Variants in APOL1 observed in about 807,000 individuals in gnomAD.
APOL1 encodes the protein apolipoprotein L 1.
A neutral mutation model predicts 14.9 loss-of-function variants in APOL1; 17 were observed. The ratio of observed to expected loss-of-function variants is 1.14; its 90% CI spans 0.78 to 1.71. APOL1 has a LOEUF of 1.71. Ranked by LOEUF, APOL1 falls within the 40% of genes most tolerant of loss-of-function variation. The probability of loss-of-function intolerance (pLI) is 0.00; values close to 1 mark genes in which losing one functional copy is unlikely to be tolerated. For missense variants in APOL1, 523 were observed against 485.9 expected, an observed-to-expected ratio of 1.08 and a Z score of -0.72; for synonymous variants, 195 against 184.8, an observed-to-expected ratio of 1.05 and a Z score of -0.45.
rs2016280250 is a variant in APOL1, at chr22:36,266,741, TA to T, written c.*713del. 1 of 332,920 alleles carries T rather than the reference TA, an allele frequency of 3.0e-6. No individual in the cohort carries two copies. The highest frequency in any genetic ancestry group is 4.3e-5 in the East Asian group (1 of 23,438). 20.6% of individuals were successfully genotyped at this position (332,920 alleles called of 1,614,324 possible). On this transcript the variant is annotated 3_prime_UTR_variant, in exon 6 of 6. Transcript: ENST00000397278. ...TAACACAGTGAAACCCCGTCTCTAC[TA>T]AAAATACAAAAAATTAGCCGGGCAT...
At chr22:36,257,196 G>A (rs1361751538) in intron 3 of APOL1, 60 bp downstream of exon 3, 2 of 1,611,824 alleles carry the variant, frequency 1.2e-6, no homozygotes, top group Non-Finnish European at 1.7e-6. Context: ...ATCTGGTTTA[G>A]GTTGGTCTTG....
intron 1 of APOL1, among the ~76,000 whole-genome samples, chr22:36,253,644 AT>A (rs1052859582): frequency 5.9e-5 from 9 of 152,150 alleles, no homozygotes; most frequent in South Asian, 4.2e-4. Flanking sequence ...GGGCAACAGA[AT>A]TTTTTTTCAG....
rs370479669 is a variant in APOL1 at position 36,265,756 on chromosome 22, C to G, written c.920C>G (p.Thr307Ser). The change falls in exon 6 of 6, where the codon ACT (threonine) becomes AGT (serine). Residue 307 changes from threonine to serine, a missense_variant. Physicochemically the swap from Thr to Ser is moderately conservative, Grantham distance 58. Transcript: ENST00000397278. Reference protein sequence around the residue: ...PHASASRPRVTEPISAESGEQ... With the variant: ...PHASASRPRVSEPISAESGEQ... ...GCCTCAGCCTCACGCCCCCGGGTCA[C>G]TGAGCCAATCTCAGCTGAAAGCGGT... 1 of 1,614,192 alleles carries G rather than the reference C, an allele frequency of 6.2e-7. No homozygotes were observed. Among genetic ancestry groups the G allele is most frequent in the Non-Finnish European group, 8.5e-7 (1 of 1,180,044 alleles).
rs1028842274 is a variant in APOL1, at chr22:36,254,980, G to A, written c.25G>A (p.Val9Ile). 14 of 1,614,104 alleles carry A rather than the reference G, an allele frequency of 8.7e-6. No individual in the cohort carries two copies. The highest frequency in any genetic ancestry group is 1.2e-5 in the Non-Finnish European group (14 of 1,179,916). The change falls in exon 2 of 6, where the codon GTC (valine) becomes ATC (isoleucine). Residue 9 changes from valine (V) to isoleucine (I), a missense_variant. Val to Ile is a conservative substitution (Grantham distance 29). Coordinates refer to ENST00000397278, the MANE Select transcript of APOL1 (RefSeq NM_003661.4). Reference sequence around the variant, plus strand: ...CATGGAGGGAGCTGCTTTGCTGAGAGTCTCTGTCCTCTGCATCTGGTGAGC... The same window carrying A: ...CATGGAGGGAGCTGCTTTGCTGAGAATCTCTGTCCTCTGCATCTGGTGAGC... MEGAALLR[V>I]SVLCIWMSAL...
intron 5 of APOL1, among the ~76,000 whole-genome samples, chr22:36,263,399 C>A (rs2016135903): frequency 6.6e-6 from 1 of 152,186 alleles, no homozygotes; most frequent in South Asian, 2.1e-4. Context: ...CTGAGGGCAC[C>A]CTTACCTTTG....
Position 36,257,220 on chromosome 22 carries a change from C to G in APOL1, c.98+84C>G. The G allele has an allele frequency of 3.1e-6, 5 of 1,605,182 alleles. No individual in the cohort carries two copies. In the South Asian group the frequency reaches 5.5e-5, roughly 18 times the overall value. ...AGGTTGGTCTTGGTGTTTGCTTCCACCCCAGAGAGATTTGCAGAGCCCCGG... is the reference window on the plus strand; with the variant it reads ...AGGTTGGTCTTGGTGTTTGCTTCCAGCCCAGAGAGATTTGCAGAGCCCCGG... On this transcript the variant is annotated intron_variant, in intron 3 of 5. Transcript: ENST00000397278.
rs1386046076 is a variant in APOL1 at position 36,253,770 on chromosome 22, T to G, written c.-20+551T>G. 8.0e-6 allele frequency: 5 copies of G among 625,000 alleles called. No homozygotes were observed. In the East Asian group the frequency reaches 1.4e-4, roughly 17 times the overall value. 38.7% of individuals were successfully genotyped at this position (625,000 alleles called of 1,614,324 possible). On this transcript the variant is annotated intron_variant, in intron 1 of 5. Coordinates refer to ENST00000397278, the MANE Select transcript of APOL1 (RefSeq NM_003661.4). ...GGAATGACTTGCCCAGGGTCCCGTGTCAGGAGGCTGAGCAGGTAGATCATA... is the reference window on the plus strand; with the variant it reads ...GGAATGACTTGCCCAGGGTCCCGTGGCAGGAGGCTGAGCAGGTAGATCATA...
chr22:36,266,729 C>G lies in APOL1; in HGVS notation c.*696C>G, dbSNP rs954345683. The G allele has an allele frequency of 5.9e-6, 2 of 338,972 alleles. No individual in the cohort carries two copies. The highest frequency in any genetic ancestry group is 1.5e-4 in the South Asian group (1 of 6,608). The allele number at this position is 338,972 out of a possible 1,614,324, so 21.0% of individuals were successfully genotyped here. ...GACCATCCTGGCTAACACAGTGAAA[C>G]CCCGTCTCTACTAAAAATACAAAAA... On this transcript the variant is annotated 3_prime_UTR_variant, in exon 6 of 6. Transcript: ENST00000397278.
intron 5 of APOL1, among the ~76,000 whole-genome samples, chr22:36,263,123 T>G (rs2016127136): frequency 6.6e-6 from 1 of 152,230 alleles, no homozygotes; most frequent in Admixed American, 6.5e-5. Context: ...TGGTGACACC[T>G]GCGAGTGAGA....
chr22:36,256,399 C>G (rs1008372020), intron 2 of APOL1, among the ~76,000 whole-genome samples: 1 of 152,118 alleles, frequency 6.6e-6, no homozygotes, highest in African/African-American at 2.4e-5. Flanking sequence ...AAGTTTTATG[C>G]GAAGAAGGAT....
intron 2 of APOL1, 87 bp from the exon 3 acceptor site, chr22:36,256,996 C>T (rs1450170369): frequency 9.0e-6 from 13 of 1,440,492 alleles, no homozygotes; most frequent in Non-Finnish European, 1.2e-5. Flanking sequence ...TCCTCCCCAT[C>T]TCTATTTCTG....
intron 4 of APOL1, chr22:36,259,632 TC>T (rs1569533921): frequency 2.4e-6 from 3 of 1,266,340 alleles, no homozygotes; most frequent in South Asian, 2.5e-5. Flanking sequence ...GGAAAAACTC[TC>T]CCCCCAAAAC....
chr22:36,254,410 T>C (rs1374799401), intron 1 of APOL1, among the ~76,000 whole-genome samples: 1 of 151,972 alleles, frequency 6.6e-6, no homozygotes, highest in African/African-American at 2.4e-5. Flanking sequence ...AAATCAAAAA[T>C]TAACAAATTA....
intron 2 of APOL1, 32 bp downstream of exon 2, chr22:36,255,031 G>C (rs757282324): frequency 1.9e-6 from 3 of 1,598,076 alleles, no homozygotes; most frequent in Non-Finnish European, 2.6e-6. Flanking sequence ...GAGGCGGGAG[G>C]GAGGGCTCCC....
Position 36,266,654 on chromosome 22 carries a change from C to T in APOL1, c.*621C>T, listed in dbSNP as rs909081752. The stretch of plus-strand genomic sequence containing the variant: ...GGTGTAGTGGCTCATGCCTGTAATC[C>T]GAGCACTTTGGGAGGCCAAGGCGGG... On this transcript the variant is annotated 3_prime_UTR_variant, in exon 6 of 6. Coordinates refer to ENST00000397278, the MANE Select transcript of APOL1 (RefSeq NM_003661.4). The T allele has an allele frequency of 4.3e-5, 17 of 391,774 alleles. No individual in the cohort carries two copies. The highest frequency in any genetic ancestry group is 2.2e-4 in the Admixed American group (5 of 22,496). The allele number at this position is 391,774 out of a possible 1,614,324, so 24.3% of individuals were successfully genotyped here. A position where few individuals can be genotyped will look rare whatever the true frequency, so the allele number is the denominator to read the frequency against.
Position 36,265,911 on chromosome 22 carries a change from TTACA to T in APOL1, c.1077_1080del (p.His360ArgfsTer11). ...CTACCTCGTGTACGAATCAAAGCAC[TTACA>T]TGAGGGGGCAAAGTCAGAGACAGCT... On this transcript the variant is annotated frameshift_variant, in exon 6 of 6. Transcript: ENST00000397278. LOFTEE classifies it low-confidence loss of function (END_TRUNC). The T allele has an allele frequency of 6.2e-7, 1 of 1,614,028 alleles. No individual in the cohort carries two copies. Among genetic ancestry groups the T allele is most frequent in the Non-Finnish European group, 8.5e-7 (1 of 1,180,012 alleles).
Position 36,265,695 on chromosome 22 carries a change from A to G in APOL1, c.859A>G (p.Arg287Gly). 6.2e-7 allele frequency: 1 copy of G among 1,609,942 alleles called. No homozygotes were observed. Among genetic ancestry groups the G allele is most frequent in the Non-Finnish European group, 8.5e-7 (1 of 1,177,480 alleles). ...RGIGKDIRAL[R>G]RARANLQSVP... ...CATTGGGAAGGACATCCGTGCCCTCAGACGAGCCAGAGCCAATCTTCAGTC... is the reference window on the plus strand; with the variant it reads ...CATTGGGAAGGACATCCGTGCCCTCGGACGAGCCAGAGCCAATCTTCAGTC... Residue 287 changes from arginine to glycine, a missense_variant, in exon 6 of 6, where the codon AGA becomes GGA. By Grantham distance (125) the Arg-to-Gly change is moderately radical. Coordinates refer to ENST00000397278, the MANE Select transcript of APOL1 (RefSeq NM_003661.4).
intron 5 of APOL1, among the ~76,000 whole-genome samples, chr22:36,263,907 G>A (rs1032456159): frequency 6.6e-6 from 1 of 152,154 alleles, no homozygotes. Flanking sequence ...CTCACTAAAG[G>A]CAGGTCAGAC....
intron 5 of APOL1, among the ~76,000 whole-genome samples, chr22:36,262,271 A>T (rs2016100180): frequency 6.6e-6 from 1 of 152,044 alleles, no homozygotes; most frequent in Non-Finnish European, 1.5e-5. Context: ...TTCCATAAAC[A>T]CGGCAGGACC....
Sources: allele counts gnomAD v4.1 joint callset (sites outside exome capture counted in the v4.1 genomes callset), GRCh38; gene constraint gnomAD v4.1.1; transcripts MANE v1.5; gene names NCBI Gene and HGNC (gene_info 2026-07-23, HGNC 2026-07-21).